SLC35D4: variants seen among roughly 807,000 people sequenced by gnomAD.
The protein encoded by SLC35D4 is solute carrier family 35 member D4.
chr18:23,422,958 C>T, the SLC35D4 span, among the ~76,000 whole-genome samples: 1 of 152,226 alleles, frequency 6.6e-6, no homozygotes, highest in African/African-American at 2.4e-5. Context: ...AGACACCACA[C>T]CTCAGAAGTG....
chr18:23,297,548 T>C, the SLC35D4 span: 1 of 149,310 alleles, frequency 6.7e-6, no homozygotes, highest in Admixed American at 6.7e-5. Context: ...AAATTTAAAA[T>C]TTTAAAAATG....
At chr18:23,398,594 C>A in the SLC35D4 span, among the ~76,000 whole-genome samples, 1 of 152,134 alleles carries the variant, frequency 6.6e-6, no homozygotes, top group East Asian at 1.9e-4. Context: ...CATATATCAC[C>A]CCATCTACTC....
the SLC35D4 span, among the ~76,000 whole-genome samples, chr18:23,271,789 T>A: frequency 6.6e-6 from 1 of 152,100 alleles, no homozygotes; most frequent in African/African-American, 2.4e-5. Flanking sequence ...CATGGTTTGA[T>A]CAATCATGCC....
the SLC35D4 span, among the ~76,000 whole-genome samples, chr18:23,424,623 C>T: frequency 6.6e-6 from 1 of 152,132 alleles, no homozygotes; most frequent in Non-Finnish European, 1.5e-5. Context: ...ACAACCAGAA[C>T]CAAAAAAACG....
At chr18:23,437,951 C>T in the SLC35D4 span, 446 of 1,328,756 alleles carry the variant, frequency 3.4e-4, 2 homozygotes, top group Admixed American at 8.6e-3. Context: ...CGGCAGCAGC[C>T]GCCCAGAGAC....
At chr18:23,404,693 A>T in the SLC35D4 span, among the ~76,000 whole-genome samples, 1 of 145,026 alleles carries the variant, frequency 6.9e-6, no homozygotes, top group Non-Finnish European at 1.5e-5. Flanking sequence ...ATCTCAAAAA[A>T]AAAGGCCAGG....
chr18:23,245,986 G>A, the SLC35D4 span, among the ~76,000 whole-genome samples: 6 of 152,170 alleles, frequency 3.9e-5, no homozygotes, highest in Non-Finnish European at 8.8e-5. Flanking sequence ...CAGTGGTCCC[G>A]GCCGGGCACG....
the SLC35D4 span, among the ~76,000 whole-genome samples, chr18:23,248,538 TAAA>T: frequency 5.3e-5 from 5 of 93,602 alleles, no homozygotes; most frequent in Non-Finnish European, 9.4e-5. Flanking sequence ...TTTTTTTTTT[TAAA>T]AAAAGGCTGG....
chr18:23,277,658 G>A, the SLC35D4 span, among the ~76,000 whole-genome samples: 1 of 152,154 alleles, frequency 6.6e-6, no homozygotes, highest in Non-Finnish European at 1.5e-5. Context: ...CAAGACTACT[G>A]CAATAGGAGA....
the SLC35D4 span, among the ~76,000 whole-genome samples, chr18:23,393,425 C>T: frequency 1.3e-5 from 2 of 152,234 alleles, no homozygotes; most frequent in South Asian, 4.1e-4. Flanking sequence ...CCCCTACTCC[C>T]ACCCCTGATA....
chr18:23,401,587 G>A, the SLC35D4 span, among the ~76,000 whole-genome samples: 3 of 152,288 alleles, frequency 2.0e-5, no homozygotes, highest in East Asian at 1.9e-4. Flanking sequence ...CAGGATACAG[G>A]CCCATGGCCT....
chr18:23,377,671 T>C, the SLC35D4 span: 1 of 1,574,574 alleles, frequency 6.4e-7, no homozygotes, highest in South Asian at 1.2e-5. Context: ...GGAGATGTTT[T>C]CTGCATAAAA....
At chr18:23,406,187 T>C in the SLC35D4 span, among the ~76,000 whole-genome samples, 1 of 152,214 alleles carries the variant, frequency 6.6e-6, no homozygotes, top group African/African-American at 2.4e-5. Flanking sequence ...CCAAATCTTT[T>C]GAAATTATAA....
At chr18:23,396,798 G>T in the SLC35D4 span, among the ~76,000 whole-genome samples, 1 of 151,892 alleles carries the variant, frequency 6.6e-6, no homozygotes, top group Non-Finnish European at 1.5e-5. Context: ...GCTGGTCCTC[G>T]AGAAGATAAG....
the SLC35D4 span, chr18:23,385,216 A>T: frequency 8.9e-6 from 6 of 672,130 alleles, no homozygotes; most frequent in Non-Finnish European, 1.2e-5. Flanking sequence ...TACATGGATT[A>T]GCGCTCTTTG....
the SLC35D4 span, among the ~76,000 whole-genome samples, chr18:23,327,697 C>T: frequency 3.0e-4 from 45 of 152,308 alleles, no homozygotes; most frequent in Admixed American, 1.8e-3. Flanking sequence ...CTCTAAAACT[C>T]ATTTTATGAG....
the SLC35D4 span, among the ~76,000 whole-genome samples, chr18:23,343,285 T>A: frequency 6.6e-6 from 1 of 151,272 alleles, no homozygotes; most frequent in Non-Finnish European, 1.5e-5. Context: ...TGAGACAGAG[T>A]TTCACTCTTG....
At chr18:23,279,167 G>C in the SLC35D4 span, among the ~76,000 whole-genome samples, 1 of 152,148 alleles carries the variant, frequency 6.6e-6, no homozygotes, top group African/African-American at 2.4e-5. Flanking sequence ...CTTCAAACTT[G>C]CCTCAAGGCC....
chr18:23,384,938 C>A, the SLC35D4 span: 1 of 1,562,462 alleles, frequency 6.4e-7, no homozygotes, highest in East Asian at 2.2e-5. Context: ...AAGAGTACTT[C>A]TTTGAAATCT....
Sources: gnomAD v4.1 joint callset for allele counts (sites outside exome capture counted in the v4.1 genomes callset) on GRCh38, gnomAD v4.1.1 for gene constraint, MANE v1.5 for transcripts, NCBI Gene and HGNC (gene_info 2026-07-23, HGNC 2026-07-21) for gene names.